LAMA2: variants seen among roughly 807,000 people sequenced by gnomAD.
LAMA2 encodes laminin subunit alpha 2, also known as laminin subunit alpha-2.
Under a neutral mutation model 364.8 loss-of-function variants are expected in LAMA2, and 269 were observed. The ratio of observed to expected loss-of-function variants is 0.74; its 90% CI spans 0.67 to 0.82. The LOEUF (loss-of-function observed/expected upper bound fraction) is 0.82, where lower values mean the gene tolerates loss of function less well. LAMA2 is among the 40% of genes least tolerant of loss of function. LAMA2 has a pLI of 0.00. For missense variants in LAMA2, 3,807 were observed against 3,873.2 expected (o/e 0.98, Z 0.45); for synonymous variants, 1,379 against 1,370.6 (o/e 1.01, Z -0.14).
intron 1 of LAMA2, among the ~76,000 whole-genome samples, chr6:128,884,389 G>A (rs1183923272): frequency 6.6e-6 from 1 of 152,062 alleles, no homozygotes; most frequent in Non-Finnish European, 1.5e-5. Flanking sequence ...AAATCTGTAG[G>A]TTAGAAGCTT....
intron 1 of LAMA2, among the ~76,000 whole-genome samples, chr6:129,029,530 T>A (rs1277831321): frequency 6.6e-6 from 1 of 151,940 alleles, no homozygotes; most frequent in Non-Finnish European, 1.5e-5. Flanking sequence ...ACTTTTTAAA[T>A]GTCTAGAAAT....
At chr6:128,915,741 A>G (rs973028310) in intron 1 of LAMA2, among the ~76,000 whole-genome samples, 3 of 152,184 alleles carry the variant, frequency 2.0e-5, no homozygotes, top group Non-Finnish European at 2.9e-5. Context: ...AATGACGTTT[A>G]TGCAAGTGGA....
intron 49 of LAMA2, among the ~76,000 whole-genome samples, chr6:129,460,579 A>G (rs1328538697): frequency 1.3e-5 from 2 of 152,040 alleles, no homozygotes; most frequent in Admixed American, 6.6e-5. Context: ...TTGCAAAGGT[A>G]AGAGATTTTG....
intron 1 of LAMA2, among the ~76,000 whole-genome samples, chr6:129,013,557 A>G (rs144951479): frequency 1.3e-5 from 2 of 152,214 alleles, no homozygotes; most frequent in Admixed American, 1.3e-4. Context: ...GTATGAGCAT[A>G]GAAGGTGTGG....
intron 10 of LAMA2, among the ~76,000 whole-genome samples, chr6:129,189,700 A>G (rs1457647672): frequency 1.3e-5 from 2 of 152,156 alleles, no homozygotes; most frequent in Non-Finnish European, 2.9e-5. Context: ...CTTGCCTCAA[A>G]TGTACATATT....
intron 1 of LAMA2, among the ~76,000 whole-genome samples, chr6:128,918,871 G>A (rs908606569): frequency 6.6e-6 from 1 of 152,134 alleles, no homozygotes; most frequent in African/African-American, 2.4e-5. Context: ...TGGAATCTGG[G>A]AGCAGCAGGG....
intron 1 of LAMA2, among the ~76,000 whole-genome samples, chr6:128,933,604 T>G (rs1200239173): frequency 1.3e-5 from 2 of 152,190 alleles, no homozygotes; most frequent in Non-Finnish European, 2.9e-5. Context: ...GTCTTTTATA[T>G]AATAGCCATG....
intron 1 of LAMA2, among the ~76,000 whole-genome samples, chr6:128,917,905 T>C (rs1394841640): frequency 6.6e-6 from 1 of 151,794 alleles, no homozygotes; most frequent in African/African-American, 2.4e-5. Context: ...GGCTAATTTT[T>C]CTATTTTTTT....
intron 1 of LAMA2, among the ~76,000 whole-genome samples, chr6:128,941,709 G>C (rs1458968857): frequency 1.3e-5 from 2 of 152,132 alleles, no homozygotes; most frequent in African/African-American, 4.8e-5. Flanking sequence ...ATATATAAGT[G>C]AGAAATATGA....
intron 4 of LAMA2, among the ~76,000 whole-genome samples, chr6:129,130,067 C>T (rs1390035525): frequency 6.6e-6 from 1 of 151,942 alleles, no homozygotes; most frequent in Non-Finnish European, 1.5e-5. Context: ...ATATGGTATT[C>T]CAGTGAAAGA....
At chr6:129,359,884 T>G (rs927713686) in intron 32 of LAMA2, among the ~76,000 whole-genome samples, 7 of 152,128 alleles carry the variant, frequency 4.6e-5, no homozygotes, top group African/African-American at 1.7e-4. Flanking sequence ...AAATGCAGTA[T>G]TTTGTGCTAA....
intron 32 of LAMA2, among the ~76,000 whole-genome samples, chr6:129,359,730 T>C (rs1433547614): frequency 7.1e-6 from 1 of 140,220 alleles, no homozygotes; most frequent in Non-Finnish European, 1.6e-5. Context: ...TATGTATCGC[T>C]ACCTAAAATT....
intron 58 of LAMA2, among the ~76,000 whole-genome samples, chr6:129,501,499 A>G (rs750758633): frequency 6.6e-6 from 1 of 152,204 alleles, no homozygotes; most frequent in Non-Finnish European, 1.5e-5. Flanking sequence ...GATCAAGAGA[A>G]AAGAGAACAA....
intron 55 of LAMA2, 68 bp from the exon 56 acceptor site, chr6:129,486,406 G>A: frequency 1.3e-6 from 2 of 1,497,342 alleles, no homozygotes; most frequent in Non-Finnish European, 1.9e-6. Context: ...GGTTCTGCCA[G>A]GGAATCTCTA....
intron 1 of LAMA2, among the ~76,000 whole-genome samples, chr6:128,931,402 A>G (rs916734134): frequency 1.3e-5 from 2 of 152,214 alleles, no homozygotes; most frequent in Admixed American, 1.3e-4. Context: ...AAATATCTTA[A>G]TGTTGAATAT....
intron 8 of LAMA2, chr6:129,158,834 A>G: frequency 6.2e-7 from 1 of 1,614,058 alleles, no homozygotes; most frequent in Non-Finnish European, 8.5e-7. Flanking sequence ...CCCTGAAGCT[A>G]ATGTGGTTTC....
chr6:129,227,097 A>G (rs931041005), intron 12 of LAMA2, among the ~76,000 whole-genome samples: 3 of 152,108 alleles, frequency 2.0e-5, no homozygotes, highest in African/African-American at 7.2e-5. Flanking sequence ...TCAATCACTG[A>G]TACCCTTTCT....
rs759204513 is a variant in LAMA2, at chr6:129,109,264, CT to C, written c.639+10853del. Among the ~76,000 whole-genome samples the C allele has an allele frequency of 1.4e-3, 215 of 152,176 alleles. 4 individuals carry two copies. Among genetic ancestry groups the C allele is most frequent in the Admixed American group, 0.014 (206 of 15,258 alleles). On this transcript the variant is annotated intron_variant, in intron 4 of 64. Transcript: ENST00000421865. ...TAGGGAGATATTAGTCAATGCATTA[CT>C]TTTATAAGTGGGCAACAGAACCCAT... is the stretch of plus-strand genomic sequence containing the variant.
At chr6:129,173,376 C>T (rs990974551) in intron 9 of LAMA2, among the ~76,000 whole-genome samples, 6 of 152,140 alleles carry the variant, frequency 3.9e-5, no homozygotes, top group Admixed American at 6.5e-5. Context: ...GTTTCTTCTA[C>T]GATATCTTTA....
Sources: gnomAD v4.1 joint callset for allele counts (sites outside exome capture counted in the v4.1 genomes callset) on GRCh38, gnomAD v4.1.1 for gene constraint, MANE v1.5 for transcripts, NCBI Gene and HGNC (gene_info 2026-07-23, HGNC 2026-07-21) for gene names.